The following PTPRK variants were observed in gnomAD, a reference collection of about 807,000 sequenced individuals.
PTPRK encodes the protein protein tyrosine phosphatase receptor type K.
Under a neutral mutation model 178.0 loss-of-function variants are expected in PTPRK, and 75 were observed. That is an observed-to-expected ratio of 0.42 (90% CI 0.35 to 0.51). The LOEUF (loss-of-function observed/expected upper bound fraction) is 0.51, where lower values mean the gene tolerates loss of function less well. Ranked by LOEUF, PTPRK falls within the 20% of genes least tolerant of loss-of-function variation. PTPRK has a pLI of 0.02. For missense variants in PTPRK, 1,441 were observed against 1,797.8 expected (o/e 0.80, Z 3.59); for synonymous variants, 637 against 620.6 (o/e 1.03, Z -0.39).
chr6:128,172,496 G>C (rs538213847), intron 7 of PTPRK, among the ~76,000 whole-genome samples: 1 of 151,836 alleles, frequency 6.6e-6, no homozygotes, highest in East Asian at 1.9e-4. Context: ...AAAAATCAGG[G>C]TAATTATTTT....
intron 11 of PTPRK, among the ~76,000 whole-genome samples, chr6:128,070,109 G>C (rs1011507219): frequency 1.3e-5 from 2 of 152,010 alleles, no homozygotes; most frequent in African/African-American, 4.8e-5. Context: ...ATAAATTACA[G>C]TGCCATGCAC....
At chr6:128,468,166 T>A (rs78110239) in intron 1 of PTPRK, among the ~76,000 whole-genome samples, 2,498 of 152,274 alleles carry the variant, frequency 0.016, 28 homozygotes, top group Non-Finnish European at 0.027. Context: ...TAAAGACTAT[T>A]CTGATTAGAG....
chr6:128,005,356 A>T, intron 14 of PTPRK, 112 bp from the exon 15 acceptor site: 1 of 982,208 alleles, frequency 1.0e-6, no homozygotes, highest in East Asian at 2.6e-5. Flanking sequence ...AACATGGTTT[A>T]GAAACCCCAA....
intron 1 of PTPRK, among the ~76,000 whole-genome samples, chr6:128,397,982 A>G (rs759541382): frequency 2.0e-5 from 3 of 152,194 alleles, no homozygotes; most frequent in Non-Finnish European, 2.9e-5. Flanking sequence ...TGAAATATAC[A>G]AAGTGTTAGT....
chr6:128,264,139 A>G (rs2128294534), intron 3 of PTPRK, among the ~76,000 whole-genome samples: 1 of 152,318 alleles, frequency 6.6e-6, no homozygotes, highest in Middle Eastern at 3.4e-3. Context: ...TCCTCCCCAC[A>G]TCTGATGTAG....
At chr6:128,464,639 A>ATATATATATATATATATG (rs1849555159) in intron 1 of PTPRK, among the ~76,000 whole-genome samples, 1 of 4,492 alleles carries the variant, frequency 2.2e-4, no homozygotes, top group South Asian at 6.2e-3. Flanking sequence ...ATATATACAC[A>ATATATATATATATATATG]TATATATATA....
At chr6:128,311,900 T>C (rs1224839955) in intron 3 of PTPRK, among the ~76,000 whole-genome samples, 1 of 152,142 alleles carries the variant, frequency 6.6e-6, no homozygotes, top group Non-Finnish European at 1.5e-5. Context: ...CCAACACTCC[T>C]ATCACAAAAA....
At chr6:128,289,155 G>T (rs1034464903) in intron 3 of PTPRK, among the ~76,000 whole-genome samples, 1 of 152,036 alleles carries the variant, frequency 6.6e-6, no homozygotes, top group African/African-American at 2.4e-5. Context: ...ATTTCTGAGT[G>T]GTAGGGCCCT....
chr6:128,354,596 C>G (rs1833715652), intron 2 of PTPRK, among the ~76,000 whole-genome samples: 1 of 152,050 alleles, frequency 6.6e-6, no homozygotes, highest in Non-Finnish European at 1.5e-5. Flanking sequence ...TATTTTTATT[C>G]ATGTCTTTTT....
chr6:128,185,901 C>T (rs981481421), intron 6 of PTPRK, among the ~76,000 whole-genome samples: 1 of 152,088 alleles, frequency 6.6e-6, no homozygotes, highest in Admixed American at 6.6e-5. Flanking sequence ...GTTTTACCTT[C>T]TTATGCAGGT....
At chr6:128,448,776 C>A (rs552197302) in intron 1 of PTPRK, among the ~76,000 whole-genome samples, 22 of 152,280 alleles carry the variant, frequency 1.4e-4, no homozygotes, top group African/African-American at 5.3e-4. Flanking sequence ...AGATATTTTG[C>A]CTTCTCTAAG....
intron 2 of PTPRK, among the ~76,000 whole-genome samples, chr6:128,372,215 A>C (rs2128349514): frequency 6.6e-6 from 1 of 152,340 alleles, no homozygotes; most frequent in East Asian, 1.9e-4. Flanking sequence ...AGTTTTTCAG[A>C]AATAGGTCTG....
intron 7 of PTPRK, among the ~76,000 whole-genome samples, chr6:128,090,297 G>A (rs1231017090): frequency 1.3e-5 from 2 of 152,126 alleles, no homozygotes; most frequent in Non-Finnish European, 2.9e-5. Context: ...TGTTGTTACT[G>A]CCCAATTCTC....
intron 7 of PTPRK, among the ~76,000 whole-genome samples, chr6:128,147,543 A>G (rs1046813775): frequency 1.3e-5 from 2 of 152,204 alleles, no homozygotes; most frequent in Admixed American, 1.3e-4. Flanking sequence ...ATTAAAAATA[A>G]GAATCAAACC....
intron 7 of PTPRK, among the ~76,000 whole-genome samples, chr6:128,172,785 G>A (rs1017736456): frequency 4.0e-5 from 6 of 151,306 alleles, no homozygotes; most frequent in African/African-American, 1.5e-4. Flanking sequence ...GTGTACATAC[G>A]TGTGTATATG....
intron 13 of PTPRK, chr6:128,062,495 T>C (rs1781021092): frequency 6.0e-6 from 1 of 167,042 alleles, no homozygotes; most frequent in African/African-American, 2.4e-5. Flanking sequence ...CAAAAAACCC[T>C]TAGTTTCTCC....
chr6:128,180,507 A>G (rs981410137), intron 7 of PTPRK, among the ~76,000 whole-genome samples: 9 of 152,092 alleles, frequency 5.9e-5, no homozygotes, highest in African/African-American at 2.2e-4. Flanking sequence ...GGCTTCAGCC[A>G]CTGGAGGCTG....
At chr6:128,084,222 C>T (rs767824894) in intron 8 of PTPRK, among the ~76,000 whole-genome samples, 10 of 151,984 alleles carry the variant, frequency 6.6e-5, no homozygotes, top group Non-Finnish European at 1.2e-4. Flanking sequence ...TGCAAATCCC[C>T]CAAAGAGTCT....
At chr6:128,239,190 A>C (rs1226454289) in intron 5 of PTPRK, among the ~76,000 whole-genome samples, 2 of 149,944 alleles carry the variant, frequency 1.3e-5, no homozygotes, top group Non-Finnish European at 2.9e-5. Flanking sequence ...CAACTTATTA[A>C]ATCTCTTTCC....
Sources: allele counts gnomAD v4.1 joint callset (sites outside exome capture counted in the v4.1 genomes callset), GRCh38; gene constraint gnomAD v4.1.1; transcripts MANE v1.5; gene names NCBI Gene and HGNC (gene_info 2026-07-23, HGNC 2026-07-21).